Variants in HHAT observed in about 807,000 individuals in gnomAD.
HHAT encodes protein-cysteine N-palmitoyltransferase HHAT.
In HHAT, 47 loss-of-function variants were observed where a neutral mutation model predicts 70.8. The ratio of observed to expected loss-of-function variants is 0.66; its 90% CI spans 0.53 to 0.85. The LOEUF (loss-of-function observed/expected upper bound fraction) is 0.85, where lower values mean the gene tolerates loss of function less well. Among genes scored for constraint, HHAT ranks in the 40% least tolerant of loss-of-function variants. The pLI is 0.00. For synonymous variants in HHAT, 228 were observed against 247.6 expected, an observed-to-expected ratio of 0.92 and a Z score of 0.74; for missense variants, 609 against 604.8, an observed-to-expected ratio of 1.01 and a Z score of -0.07.
chr1:210,404,596 T>C lies in HHAT; in HGVS notation c.601T>C (p.Phe201Leu). 1 of 1,614,138 alleles carries C rather than the reference T, an allele frequency of 6.2e-7. No homozygotes were observed. Reference protein sequence around the residue: ...QLPAASTSYSFPWMLAYVFYY... With the variant: ...QLPAASTSYSLPWMLAYVFYY... ...GCCTGCTGCATCGACCTCCTACTCC[T>C]TTCCCTGGATGCTGGCCTATGTCTT... Residue 201 changes from phenylalanine to leucine, a missense_variant, in exon 6 of 12, where the codon TTT (phenylalanine) becomes CTT (leucine). Phe to Leu is a conservative substitution (Grantham distance 22). Coordinates refer to ENST00000261458, the MANE Select transcript of HHAT (RefSeq NM_018194.6).
intron 9 of HHAT, among the ~76,000 whole-genome samples, chr1:210,554,840 C>G (rs1206723477): frequency 1.3e-5 from 2 of 152,054 alleles, no homozygotes; most frequent in Non-Finnish European, 2.9e-5. Flanking sequence ...TGCCCTCAGA[C>G]CATTTGGCAA....
At chr1:210,661,723 A>T (rs1388162868) in intron 11 of HHAT, among the ~76,000 whole-genome samples, 1 of 152,230 alleles carries the variant, frequency 6.6e-6, no homozygotes, top group Non-Finnish European at 1.5e-5. Flanking sequence ...ATGCAGCCAT[A>T]AAAAAGGATG....
chr1:210,540,556 C>A (rs973696138), intron 9 of HHAT, among the ~76,000 whole-genome samples: 1 of 151,346 alleles, frequency 6.6e-6, no homozygotes, highest in Non-Finnish European at 1.5e-5. Flanking sequence ...CCCTCATAGA[C>A]ATACACATAG....
At chr1:210,666,888 C>T (rs534607854) in intron 11 of HHAT, among the ~76,000 whole-genome samples, 7 of 151,786 alleles carry the variant, frequency 4.6e-5, no homozygotes, top group East Asian at 2.0e-4. Flanking sequence ...GTCAGGAGAC[C>T]GAGACCATGG....
At chr1:210,438,896 G>C (rs2093440479) in intron 7 of HHAT, among the ~76,000 whole-genome samples, 1 of 151,850 alleles carries the variant, frequency 6.6e-6, no homozygotes, top group Non-Finnish European at 1.5e-5. Flanking sequence ...TTTACAGTGA[G>C]GAAATGGAGA....
intron 1 of HHAT, among the ~76,000 whole-genome samples, chr1:210,333,783 C>T (rs1399129889): frequency 2.0e-5 from 3 of 152,070 alleles, no homozygotes; most frequent in African/African-American, 7.2e-5. Flanking sequence ...TCACCCACCC[C>T]AGTAGCTGGG....
chr1:210,427,144 G>T (rs1572362869), intron 7 of HHAT, among the ~76,000 whole-genome samples: 1 of 151,988 alleles, frequency 6.6e-6, no homozygotes, highest in South Asian at 2.1e-4. Context: ...TTCTCTGATG[G>T]TTGTTTGTAA....
chr1:210,633,359 C>T (rs553920355), intron 11 of HHAT, among the ~76,000 whole-genome samples: 1 of 152,318 alleles, frequency 6.6e-6, no homozygotes, highest in Admixed American at 6.5e-5. Context: ...TGGGAGTAGT[C>T]AAATGCCCGG....
intron 9 of HHAT, among the ~76,000 whole-genome samples, chr1:210,527,222 C>T (rs1558093423): frequency 6.6e-6 from 1 of 152,130 alleles, no homozygotes; most frequent in African/African-American, 2.4e-5. Context: ...GCTGGCTCAG[C>T]ACCCAGCTCA....
chr1:210,568,569 C>A (rs374816336), intron 9 of HHAT, among the ~76,000 whole-genome samples: 45 of 152,258 alleles, frequency 3.0e-4, no homozygotes, highest in African/African-American at 1.1e-3. Flanking sequence ...ATGAAAGTAT[C>A]CTCTATGGGG....
chr1:210,464,456 ACTG>A (rs750986034), intron 7 of HHAT, 46 bp from the exon 8 acceptor site: 4 of 1,608,364 alleles, frequency 2.5e-6, no homozygotes, highest in Non-Finnish European at 3.4e-6. Flanking sequence ...CCTCCAGGAA[ACTG>A]CTGTGATTCT....
intron 7 of HHAT, among the ~76,000 whole-genome samples, chr1:210,427,284 T>C (rs2093093368): frequency 1.3e-5 from 2 of 152,170 alleles, no homozygotes; most frequent in African/African-American, 4.8e-5. Flanking sequence ...TTCACTGACA[T>C]TTCAAGTCTC....
intron 9 of HHAT, among the ~76,000 whole-genome samples, chr1:210,550,267 G>C (rs901257271): frequency 6.7e-6 from 1 of 149,226 alleles, no homozygotes; most frequent in South Asian, 2.2e-4. Flanking sequence ...TAAATGCCTT[G>C]GGTATAAGAG....
At chr1:210,397,737 G>A (rs992144104) in intron 4 of HHAT, among the ~76,000 whole-genome samples, 2 of 152,154 alleles carry the variant, frequency 1.3e-5, no homozygotes, top group Non-Finnish European at 1.5e-5. Context: ...ACTGGCCTTT[G>A]AAATGCTTAG....
intron 2 of HHAT, among the ~76,000 whole-genome samples, chr1:210,355,584 A>C (rs1338911479): frequency 6.6e-6 from 1 of 152,208 alleles, no homozygotes; most frequent in Non-Finnish European, 1.5e-5. Flanking sequence ...ATTTTTAAAC[A>C]TACTGCTTTT....
chr1:210,410,457 T>TTC (rs1008318147), intron 6 of HHAT, among the ~76,000 whole-genome samples: 9 of 151,790 alleles, frequency 5.9e-5, no homozygotes, highest in African/African-American at 2.2e-4. Context: ...GTTTTTTTTT[T>TTC]TTTAAGTAAA....
Position 210,523,300 on chromosome 1 carries a change from T to C in HHAT, c.1043+10112T>C, listed in dbSNP as rs548308078. Among the ~76,000 whole-genome samples, 21 of 152,270 alleles carry C rather than the reference T, an allele frequency of 1.4e-4. 1 individual carries two copies. In the South Asian group the frequency reaches 4.4e-3, roughly 32 times the overall value. ...CCTACCTCACCATCTCCTAGCATCT[T>C]TGTTCCCTATACCAGAAGTGCCTGA... On this transcript the variant is annotated intron_variant, in intron 9 of 11. Transcript: ENST00000261458.
chr1:210,329,291 C>G, intron 1 of HHAT, 187 bp downstream of exon 1: 2 of 1,226,214 alleles, frequency 1.6e-6, no homozygotes, highest in Non-Finnish European at 2.0e-6. Flanking sequence ...CGGCGGGGGC[C>G]GCGCGCGCAG....
chr1:210,471,370 T>G (rs2223630), intron 8 of HHAT, among the ~76,000 whole-genome samples: 102,991 of 151,756 alleles, frequency 0.68, 35,323 homozygotes, highest in African/African-American at 0.76. Context: ...ACTTTATGAC[T>G]GTCATTATTT....
Sources: gnomAD v4.1 joint callset for allele counts (sites outside exome capture counted in the v4.1 genomes callset) on GRCh38, gnomAD v4.1.1 for gene constraint, MANE v1.5 for transcripts, NCBI Gene and HGNC (gene_info 2026-07-23, HGNC 2026-07-21) for gene names.